FAM133A: variants seen among roughly 807,000 people sequenced by gnomAD.
FAM133A encodes protein FAM133A.
For synonymous variants in FAM133A, 65 were observed against 58.6 expected (o/e 1.11, Z -0.50); for missense variants, 159 against 164.4 (o/e 0.97, Z 0.18).
At chrX:93,688,991 A>G (rs1925718291) in intron 2 of FAM133A, among the ~76,000 whole-genome samples, 1 of 110,888 alleles carries the variant, frequency 9.0e-6, no homozygotes, top group African/African-American at 3.3e-5. Flanking sequence ...GAACATATAG[A>G]GATGGTATTG....
At chrX:93,707,926 C>A (rs1927142424) in intron 3 of FAM133A, among the ~76,000 whole-genome samples, 1 of 112,035 alleles carries the variant, frequency 8.9e-6, no homozygotes, top group African/African-American at 3.2e-5. Flanking sequence ...CTTGGTCTTA[C>A]ATTTAGCAGT....
At chrX:93,700,850 T>G (rs917585744) in intron 3 of FAM133A, among the ~76,000 whole-genome samples, 4 of 111,643 alleles carry the variant, frequency 3.6e-5, no homozygotes, top group African/African-American at 1.3e-4. Context: ...CAGAAATACA[T>G]TAAAAAAATT....
chrX:93,702,308 G>C (rs964860284), intron 3 of FAM133A, among the ~76,000 whole-genome samples: 5 of 111,077 alleles, frequency 4.5e-5, no homozygotes, highest in African/African-American at 9.8e-5. Flanking sequence ...GGAACATCTT[G>C]TAAGAGCCAG....
upstream of FAM133A, chrX:93,673,988 T>TA (rs946167250): frequency 0.51 from 19,856 of 38,665 alleles, 5,213 homozygotes; most frequent in Non-Finnish European, 0.59. Context: ...CAAAAAGCTG[T>TA]AAAAAAAAAA....
At chrX:93,695,968 C>G (rs1926235991) in intron 2 of FAM133A, among the ~76,000 whole-genome samples, 1 of 111,340 alleles carries the variant, frequency 9.0e-6, no homozygotes, top group Non-Finnish European at 1.9e-5. Flanking sequence ...TTAAACTTCA[C>G]TCTGTATAAT....
chrX:93,709,512 A>G lies in FAM133A; in HGVS notation c.93A>G (p.Gln31=). Residue 31 remains glutamine (Q), a synonymous_variant, in exon 4 of 4, where the codon CAA becomes CAG. Transcript: ENST00000683942. Reference sequence around the variant, plus strand: ...CTCAATCTGTGGGCCCAACAATCCAAGATTATCTAAATCGACCAAGACCCA... The same window carrying G: ...CTCAATCTGTGGGCCCAACAATCCAGGATTATCTAAATCGACCAAGACCCA... ...GPTQSVGPTI[Q]DYLNRPRPTW... is the part of the protein sequence containing the mutation. 1.7e-6 allele frequency: 2 copies of G among 1,208,723 alleles called. No individual in the cohort carries two copies. The highest frequency in any genetic ancestry group is 1.1e-6 in the Non-Finnish European group (1 of 894,517).
At chrX:93,703,529 C>G (rs982005689) in intron 3 of FAM133A, among the ~76,000 whole-genome samples, 3 of 111,893 alleles carry the variant, frequency 2.7e-5, no homozygotes, top group African/African-American at 9.7e-5. Flanking sequence ...ACAGTATTTG[C>G]AAATTTTCTG....
chrX:93,682,000 T>C (rs150664070), intron 2 of FAM133A, among the ~76,000 whole-genome samples: 1,569 of 111,853 alleles, frequency 0.014, 29 homozygotes, highest in African/African-American at 0.049. Context: ...CTCTCAGATA[T>C]GCTATACATA....
In FAM133A at chrX:93,710,310, GTT is replaced by G. The variant is rs1056306844; in HGVS notation, c.*146_*147del. The G allele has an allele frequency of 4.8e-6, 3 of 622,886 alleles. No individual in the cohort carries two copies. Among genetic ancestry groups the G allele is most frequent in the Non-Finnish European group, 7.0e-6 (3 of 430,625 alleles). The allele number at this position is 622,886 out of a possible 1,213,427, so 51.3% of individuals were successfully genotyped here. A position where few individuals can be genotyped will look rare whatever the true frequency, so the allele number is the denominator to read the frequency against. The stretch of plus-strand genomic sequence containing the variant: ...GCAACTTCAATATACATTTTTGTTT[GTT>G]TGCTTGTCCTTCCTTCTAATGGTTA... On this transcript the variant is annotated 3_prime_UTR_variant, in exon 4 of 4. Coordinates refer to ENST00000683942, the MANE Select transcript of FAM133A (RefSeq NM_001171109.2).
intron 2 of FAM133A, 72 bp downstream of exon 2, chrX:93,674,824 G>A (rs1445189032): frequency 1.8e-5 from 2 of 110,990 alleles, no homozygotes; most frequent in Non-Finnish European, 3.8e-5. Flanking sequence ...AAAGTTTACA[G>A]GATACAGTCA....
intron 2 of FAM133A, among the ~76,000 whole-genome samples, chrX:93,691,367 G>C (rs1227416652): frequency 8.9e-6 from 1 of 111,941 alleles, no homozygotes. Context: ...TTTCAAAAAA[G>C]ATGGATACAC....
chrX:93,674,859 A>C (rs1924557189), intron 2 of FAM133A, 107 bp downstream of exon 2: 1 of 111,710 alleles, frequency 9.0e-6, no homozygotes, highest in African/African-American at 3.2e-5. Context: ...TTAGAGAATT[A>C]TCTTGATAAT....
chrX:93,693,032 A>G (rs1048880047), intron 2 of FAM133A, among the ~76,000 whole-genome samples: 1 of 111,466 alleles, frequency 9.0e-6, no homozygotes, highest in Admixed American at 9.6e-5. Context: ...AGACCCAGAA[A>G]TATTTGAGGA....
intron 3 of FAM133A, among the ~76,000 whole-genome samples, chrX:93,704,346 G>T (rs1031628089): frequency 1.7e-4 from 19 of 111,326 alleles, no homozygotes; most frequent in African/African-American, 6.2e-4. Flanking sequence ...AATCCTTTAA[G>T]AAACTTTCTA....
At position 93,709,495 on chromosome X, in the gene FAM133A, G is replaced by A; in HGVS notation, c.76G>A (p.Val26Met). ...CAGATGGAGAGGCCCAACTCAATCTGTGGGCCCAACAATCCAAGATTATCT... is the reference window on the plus strand; with the variant it reads ...CAGATGGAGAGGCCCAACTCAATCTATGGGCCCAACAATCCAAGATTATCT... ...MARWRGPTQS[V>M]GPTIQDYLNR... The change falls in exon 4 of 4, where the codon GTG (valine) becomes ATG (methionine). Residue 26 changes from valine to methionine, a missense_variant. Val to Met is a conservative substitution (Grantham distance 21, BLOSUM62 1). Coordinates refer to ENST00000683942, the MANE Select transcript of FAM133A (RefSeq NM_001171109.2). 8.3e-7 allele frequency: 1 copy of A among 1,207,163 alleles called. No homozygotes were observed. Among genetic ancestry groups the A allele is most frequent in the South Asian group, 1.8e-5 (1 of 55,647 alleles).
At position 93,692,909 on chromosome X, in the gene FAM133A, A is replaced by G. The variant is rs184414466; in HGVS notation, c.-192-5488A>G. ...TGAGTGAACAACATGTCATGGAAAT[A>G]TAGGGCAGAAGGAAATTAATTCCTA... On this transcript the variant is annotated intron_variant, in intron 2 of 3. Transcript: ENST00000683942. Among the ~76,000 whole-genome samples the G allele has an allele frequency of 2.9e-3, 329 of 111,710 alleles. 1 individual carries two copies. The highest frequency in any genetic ancestry group is 7.3e-3 in the Admixed American group (76 of 10,472).
chrX:93,673,817 A>C (rs976502493), upstream of FAM133A, among the ~76,000 whole-genome samples: 1 of 107,846 alleles, frequency 9.3e-6, no homozygotes, highest in East Asian at 2.9e-4. Flanking sequence ...CCTGCCCCCC[A>C]AAAAGTCTAT....
chrX:93,708,186 A>G (rs765478525), intron 3 of FAM133A, among the ~76,000 whole-genome samples: 1 of 111,695 alleles, frequency 9.0e-6, no homozygotes, highest in African/African-American at 3.3e-5. Context: ...TTAAGCTGAA[A>G]CCTGAAGGAT....
chrX:93,688,606 T>C (rs1221627896), intron 2 of FAM133A, among the ~76,000 whole-genome samples: 1 of 111,833 alleles, frequency 8.9e-6, no homozygotes, highest in Non-Finnish European at 1.9e-5. Context: ...TAAATGTTTT[T>C]CATTTCATTT....
Sources: gnomAD v4.1 joint callset for allele counts (sites outside exome capture counted in the v4.1 genomes callset) on GRCh38, gnomAD v4.1.1 for gene constraint, MANE v1.5 for transcripts, NCBI Gene and HGNC (gene_info 2026-07-23, HGNC 2026-07-21) for gene names.